The following LIFR variants were observed in gnomAD, a reference collection of about 807,000 sequenced individuals.
LIFR encodes LIF receptor subunit alpha, also known as leukemia inhibitory factor receptor.
Under a neutral mutation model 122.2 loss-of-function variants are expected in LIFR, and 84 were observed. The ratio of observed to expected loss-of-function variants is 0.69; its 90% CI spans 0.58 to 0.82. The LOEUF (loss-of-function observed/expected upper bound fraction) is 0.82, where lower values mean the gene tolerates loss of function less well. Among genes scored for constraint, LIFR ranks in the 40% least tolerant of loss-of-function variants. The pLI is 0.00. For missense variants in LIFR, 1,294 were observed against 1,311.6 expected (o/e 0.99, Z 0.21); for synonymous variants, 422 against 434.7 (o/e 0.97, Z 0.36).
chr5:38,515,442 A>C (rs1340709379), intron 5 of LIFR, among the ~76,000 whole-genome samples: 1 of 152,220 alleles, frequency 6.6e-6, no homozygotes, highest in Non-Finnish European at 1.5e-5. Context: ...GTAATGAAGC[A>C]GAGAAATAAA....
intron 7 of LIFR, among the ~76,000 whole-genome samples, chr5:38,510,158 T>C (rs1399934058): frequency 1.3e-5 from 2 of 152,194 alleles, no homozygotes; most frequent in Non-Finnish European, 2.9e-5. Flanking sequence ...TTAAGAAATA[T>C]TATATCCTAT....
intron 3 of LIFR, 152 bp from the exon 4 acceptor site, chr5:38,527,446 A>G: frequency 1.7e-6 from 1 of 605,460 alleles, no homozygotes; most frequent in Non-Finnish European, 2.9e-6. Context: ...GACTGAAAAA[A>G]CAGATTGATA....
chr5:38,533,102 C>G (rs1202124281), intron 1 of LIFR, among the ~76,000 whole-genome samples: 4 of 152,172 alleles, frequency 2.6e-5, no homozygotes, highest in Non-Finnish European at 4.4e-5. Flanking sequence ...AGGTAGAAAT[C>G]TGGCATTTTA....
At chr5:38,540,061 T>C (rs752092371) in intron 1 of LIFR, among the ~76,000 whole-genome samples, 10 of 152,140 alleles carry the variant, frequency 6.6e-5, no homozygotes, top group Non-Finnish European at 1.3e-4. Flanking sequence ...CAGGCCATTA[T>C]ACTAAACTGT....
chr5:38,597,366 G>C (rs578238634), upstream of LIFR, among the ~76,000 whole-genome samples: 26 of 152,338 alleles, frequency 1.7e-4, no homozygotes, highest in Non-Finnish European at 3.5e-4. Context: ...GAAGTAGCTC[G>C]TGGGGTGAGA....
intron 1 of LIFR, among the ~76,000 whole-genome samples, chr5:38,553,622 CTATATATATATATATATA>C (rs66547796): frequency 0.091 from 3,775 of 41,604 alleles, 172 homozygotes; most frequent in African/African-American, 0.12. Flanking sequence ...ACCATTTAAA[CTATATATATATATATATA>C]TATATATATA....
intron 10 of LIFR, 88 bp from the exon 11 acceptor site, chr5:38,502,887 T>C (rs977403543): frequency 1.1e-5 from 8 of 745,736 alleles, no homozygotes; most frequent in Admixed American, 3.4e-5. Flanking sequence ...ACACTTTTTT[T>C]TGGTAAGAAA....
chr5:38,582,813 T>C (rs1561225562), intron 1 of LIFR, among the ~76,000 whole-genome samples: 1 of 152,206 alleles, frequency 6.6e-6, no homozygotes, highest in African/African-American at 2.4e-5. Context: ...CAATGCTTAC[T>C]TGGTTTCCTT....
intron 1 of LIFR, among the ~76,000 whole-genome samples, chr5:38,578,641 TC>T (rs776061520): frequency 6.6e-6 from 1 of 151,776 alleles, no homozygotes; most frequent in Non-Finnish European, 1.5e-5. Context: ...AAACTCTGCC[TC>T]CCGGGTTCAA....
At chr5:38,505,441 C>G (rs562380180) in intron 9 of LIFR, among the ~76,000 whole-genome samples, 13 of 141,950 alleles carry the variant, frequency 9.2e-5, no homozygotes, top group African/African-American at 3.2e-4. Flanking sequence ...CACACACACA[C>G]ACACGAGTAC....
At chr5:38,542,186 CA>C (rs1747626370) in intron 1 of LIFR, among the ~76,000 whole-genome samples, 1 of 152,166 alleles carries the variant, frequency 6.6e-6, no homozygotes, top group Non-Finnish European at 1.5e-5. Flanking sequence ...CCCATCTCAC[CA>C]TAAGTGCCAG....
At chr5:38,574,758 A>G (rs1379408375) in intron 1 of LIFR, among the ~76,000 whole-genome samples, 1 of 151,992 alleles carries the variant, frequency 6.6e-6, no homozygotes, top group Non-Finnish European at 1.5e-5. Context: ...CTTAGACTAT[A>G]CTCTACTTTG....
At chr5:38,501,956 T>G (rs1745203408) in intron 11 of LIFR, among the ~76,000 whole-genome samples, 1 of 149,910 alleles carries the variant, frequency 6.7e-6, no homozygotes, top group Admixed American at 6.7e-5. Flanking sequence ...AAATAAAAAC[T>G]AACAAATTCT....
intron 1 of LIFR, among the ~76,000 whole-genome samples, chr5:38,588,450 C>A (rs1488607772): frequency 6.6e-6 from 1 of 152,108 alleles, no homozygotes; most frequent in Non-Finnish European, 1.5e-5. Context: ...CTTTTATTGA[C>A]CTCATTGTTA....
upstream of LIFR, among the ~76,000 whole-genome samples, chr5:38,598,110 T>C (rs983781288): frequency 6.6e-5 from 10 of 151,762 alleles, no homozygotes; most frequent in African/African-American, 2.4e-4. Flanking sequence ...CATGGTGGGA[T>C]CTTTCTAAGA....
intron 18 of LIFR, 54 bp downstream of exon 18, chr5:38,484,721 C>A: frequency 8.7e-7 from 1 of 1,153,900 alleles, no homozygotes. Context: ...TCTTACAAAT[C>A]TTATAATCAT....
At chr5:38,490,165 A>T (rs747186017) in intron 15 of LIFR, 25 bp downstream of exon 15, 1 of 1,028,520 alleles carries the variant, frequency 9.7e-7, no homozygotes, top group Non-Finnish European at 1.5e-6. Context: ...TTGAGCTCTT[A>T]TAAATAAGTA....
chr5:38,574,983 A>C (rs755059624), intron 1 of LIFR, among the ~76,000 whole-genome samples: 1 of 152,206 alleles, frequency 6.6e-6, no homozygotes, highest in Non-Finnish European at 1.5e-5. Flanking sequence ...TGTTTTCACC[A>C]AAAGGCATGC....
At chr5:38,505,836 G>T in intron 9 of LIFR, 69 bp downstream of exon 9, 1 of 998,022 alleles carries the variant, frequency 1.0e-6, no homozygotes, top group Non-Finnish European at 1.5e-6. Flanking sequence ...ATCCCTATAA[G>T]CATTTTTCAT....
Sources: gnomAD v4.1 joint callset for allele counts (sites outside exome capture counted in the v4.1 genomes callset) on GRCh38, gnomAD v4.1.1 for gene constraint, MANE v1.5 for transcripts, NCBI Gene and HGNC (gene_info 2026-07-23, HGNC 2026-07-21) for gene names.